The following PDIA3 variants were observed in gnomAD, a reference collection of about 807,000 sequenced individuals.
The protein encoded by PDIA3 is protein disulfide isomerase family A member 3, also known as protein disulfide-isomerase A3.
PDIA3 carries 16 observed loss-of-function variants against 56.9 expected under a neutral mutation model. That is an observed-to-expected ratio of 0.28 (90% CI 0.19 to 0.43). PDIA3 has a LOEUF of 0.43. Ranked by LOEUF, PDIA3 falls within the 20% of genes least tolerant of loss-of-function variation. The pLI, the probability that PDIA3 is intolerant of heterozygous loss-of-function variation, is 1.00. For synonymous variants in PDIA3, 192 were observed against 216.5 expected (o/e 0.89, Z 0.99); for missense variants, 485 against 621.3 (o/e 0.78, Z 2.33).
At chr15:43,754,560 T>C (rs2086765173) in intron 2 of PDIA3, among the ~76,000 whole-genome samples, 1 of 151,492 alleles carries the variant, frequency 6.6e-6, no homozygotes, top group South Asian at 2.1e-4. Flanking sequence ...ACCTCATCTC[T>C]ACAAAAAATT....
At chr15:43,759,144 G>C (rs1457624615) in intron 3 of PDIA3, among the ~76,000 whole-genome samples, 2 of 152,010 alleles carry the variant, frequency 1.3e-5, no homozygotes, top group Non-Finnish European at 2.9e-5. Flanking sequence ...CAAAAAATTA[G>C]CCGGGTGCAG....
At chr15:43,758,104 G>A (rs367660874) in intron 3 of PDIA3, among the ~76,000 whole-genome samples, 18 of 151,962 alleles carry the variant, frequency 1.2e-4, no homozygotes, top group African/African-American at 4.3e-4. Context: ...CAGGAGTGGT[G>A]GTACATGCCT....
chr15:43,749,240 C>T (rs1319740151), intron 1 of PDIA3, among the ~76,000 whole-genome samples: 4 of 151,948 alleles, frequency 2.6e-5, no homozygotes, highest in South Asian at 2.1e-4. Flanking sequence ...ATTACAGGCA[C>T]GCACCACCAA....
chr15:43,751,331 C>G (rs2086743027), intron 1 of PDIA3, among the ~76,000 whole-genome samples: 3 of 151,870 alleles, frequency 2.0e-5, no homozygotes. Flanking sequence ...AAGGAAAGGA[C>G]TATACCAATT....
In PDIA3 at chr15:43,763,187, G is replaced by A. The variant is rs200051575; in HGVS notation, c.583G>A (p.Glu195Lys). ...AHTNVESLVN[E>K]YDDNGEGIIL... ...TACGAATGTTGAGTCTCTGGTGAACGAGTATGATGATAATGGAGAGTAAGT... is the reference window on the plus strand; with the variant it reads ...TACGAATGTTGAGTCTCTGGTGAACAAGTATGATGATAATGGAGAGTAAGT... Residue 195 changes from glutamate (E) to lysine (K), a missense_variant, in exon 5 of 13, where the codon GAG becomes AAG. Glu to Lys is a moderately conservative substitution (Grantham distance 56). Coordinates refer to ENST00000300289, the MANE Select transcript of PDIA3 (RefSeq NM_005313.5). 3.1e-6 allele frequency: 5 copies of A among 1,614,026 alleles called. No individual in the cohort carries two copies. The highest frequency in any genetic ancestry group is 4.2e-6 in the Non-Finnish European group (5 of 1,179,936).
At chr15:43,751,291 G>A (rs994289489) in intron 1 of PDIA3, among the ~76,000 whole-genome samples, 3 of 151,010 alleles carry the variant, frequency 2.0e-5, no homozygotes, top group African/African-American at 4.9e-5. Context: ...TAATAATACT[G>A]TGTCACCCCT....
intron 3 of PDIA3, among the ~76,000 whole-genome samples, chr15:43,758,627 C>T (rs1361796272): frequency 1.4e-5 from 2 of 145,776 alleles, no homozygotes; most frequent in Non-Finnish European, 3.0e-5. Flanking sequence ...CACTGCACTC[C>T]AGCCTGGGGA....
intron 1 of PDIA3, among the ~76,000 whole-genome samples, chr15:43,750,949 T>C (rs2086739741): frequency 6.6e-6 from 1 of 151,676 alleles, no homozygotes; most frequent in South Asian, 2.1e-4. Flanking sequence ...CTGGCCAACA[T>C]GGGGAAACCT....
At chr15:43,750,785 A>G (rs1267668517) in intron 1 of PDIA3, among the ~76,000 whole-genome samples, 2 of 151,756 alleles carry the variant, frequency 1.3e-5, no homozygotes, top group African/African-American at 4.8e-5. Flanking sequence ...AAAAAAAAAA[A>G]GTCCTCAACA....
chr15:43,748,937 T>A (rs529031498), intron 1 of PDIA3, among the ~76,000 whole-genome samples: 3 of 150,986 alleles, frequency 2.0e-5, no homozygotes, highest in African/African-American at 7.3e-5. Context: ...CCCAGCTAAT[T>A]TTTTTGTATT....
At chr15:43,747,346 T>G (rs2086714053) in intron 1 of PDIA3, among the ~76,000 whole-genome samples, 1 of 152,232 alleles carries the variant, frequency 6.6e-6, no homozygotes, top group African/African-American at 2.4e-5. Flanking sequence ...TCCATCAGAA[T>G]CTGTCCATAT....
chr15:43,749,942 C>G (rs1249244220), intron 1 of PDIA3, among the ~76,000 whole-genome samples: 1 of 150,944 alleles, frequency 6.6e-6, no homozygotes, highest in Non-Finnish European at 1.5e-5. Context: ...GTGAGACCAT[C>G]TCAAAAAAGA....
intron 1 of PDIA3, 118 bp from the exon 2 acceptor site, chr15:43,753,706 T>C: frequency 1.4e-6 from 1 of 717,720 alleles, no homozygotes; most frequent in Non-Finnish European, 2.4e-6. Flanking sequence ...GATTTTGCTT[T>C]TTGGAAGTGT....
chr15:43,746,827 C>G (rs1304159216), intron 1 of PDIA3, 121 bp downstream of exon 1: 2 of 1,128,034 alleles, frequency 1.8e-6, no homozygotes, highest in Admixed American at 4.4e-5. Context: ...CCTGCTGCGG[C>G]GGGCACATTT....
At chr15:43,754,236 A>G (rs1223766057) in intron 2 of PDIA3, among the ~76,000 whole-genome samples, 1 of 152,004 alleles carries the variant, frequency 6.6e-6, no homozygotes, top group African/African-American at 2.4e-5. Context: ...TCAACTAAAA[A>G]TACAAAAATT....
At chr15:43,767,283 C>T (rs369963215) in intron 8 of PDIA3, among the ~76,000 whole-genome samples, 5 of 151,944 alleles carry the variant, frequency 3.3e-5, no homozygotes, top group South Asian at 4.2e-4. Flanking sequence ...ACCTGGGAGG[C>T]GGAGGTTGCG....
In PDIA3 at chr15:43,769,423, C is replaced by G. The variant is rs1014936301; in HGVS notation, c.1138-95C>G. The G allele has an allele frequency of 1.3e-5, 15 of 1,156,074 alleles. No individual in the cohort carries two copies. The African/African-American group carries it at 2.0e-4, about 15-fold the overall frequency. The allele number at this position is 1,156,074 out of a possible 1,614,324, so 71.6% of individuals were successfully genotyped here. A position where few individuals can be genotyped will look rare whatever the true frequency, so the allele number is the denominator to read the frequency against. On this transcript the variant is annotated intron_variant, in intron 9 of 12. Transcript: ENST00000300289. ...TTCCATGACTTATTTTCTGTGGTAACACATCAAATTAGAGAGGGATTGGGT... is the reference window on the plus strand; with the variant it reads ...TTCCATGACTTATTTTCTGTGGTAAGACATCAAATTAGAGAGGGATTGGGT...
At chr15:43,755,259 C>T (rs763737342) in intron 2 of PDIA3, among the ~76,000 whole-genome samples, 3 of 151,958 alleles carry the variant, frequency 2.0e-5, no homozygotes, top group Non-Finnish European at 4.4e-5. Flanking sequence ...CCCAGGGGGG[C>T]GGAGGTTGCA....
chr15:43,754,009 A>G (rs1722741598), intron 2 of PDIA3, 107 bp downstream of exon 2: 1 of 769,870 alleles, frequency 1.3e-6, no homozygotes, highest in Admixed American at 2.0e-5. Context: ...AATAGTTTGT[A>G]AGATTAACAT....
Sources: allele counts gnomAD v4.1 joint callset (sites outside exome capture counted in the v4.1 genomes callset), GRCh38; gene constraint gnomAD v4.1.1; transcripts MANE v1.5; gene names NCBI Gene and HGNC (gene_info 2026-07-23, HGNC 2026-07-21).